MGAT4C: variants seen among roughly 807,000 people sequenced by gnomAD.
MGAT4C encodes the protein MGAT4 family member C.
In MGAT4C, 19 loss-of-function variants were observed where a neutral mutation model predicts 40.1. That is an observed-to-expected ratio of 0.47 (90% CI 0.33 to 0.70). The LOEUF is 0.70. MGAT4C is among the 30% of genes least tolerant of loss of function. MGAT4C has a pLI of 0.02. For missense variants in MGAT4C, 491 were observed against 563.2 expected (o/e 0.87, Z 1.30); for synonymous variants, 181 against 187.1 (o/e 0.97, Z 0.27).
At chr12:86,440,316 G>GTC (rs1036415481) in intron 2 of MGAT4C, among the ~76,000 whole-genome samples, 137 of 152,086 alleles carry the variant, frequency 9.0e-4, no homozygotes, top group African/African-American at 3.2e-3. Flanking sequence ...ATACAGGGAT[G>GTC]ATTCAACACA....
Position 86,644,101 on chromosome 12 carries a change from C to A in MGAT4C, c.-229+83108G>T, listed in dbSNP as rs1963469720. Among the ~76,000 whole-genome samples, 6 of 151,532 alleles carry A rather than the reference C, an allele frequency of 4.0e-5. No individual in the cohort carries two copies. The South Asian group carries it at 1.3e-3, about 32-fold the overall frequency. On this transcript the variant is annotated intron_variant, in intron 2 of 7. Transcript: ENST00000548651. ...TACTATTTCTTAAGCTTTTTATAAT[C>A]ACTTTGATTATATTAGAATTATAAT...
chr12:86,504,576 GT>G (rs1359483841), intron 2 of MGAT4C, among the ~76,000 whole-genome samples: 1 of 152,134 alleles, frequency 6.6e-6, no homozygotes, highest in Non-Finnish European at 1.5e-5. Context: ...CAATATAAAA[GT>G]CCAGTCAATC....
At chr12:86,572,377 T>C (rs1960400688) in intron 2 of MGAT4C, among the ~76,000 whole-genome samples, 1 of 152,126 alleles carries the variant, frequency 6.6e-6, no homozygotes, top group Admixed American at 6.6e-5. Flanking sequence ...TACAATCCTG[T>C]GGTTTCTATA....
At chr12:86,526,762 G>A (rs966961466) in intron 2 of MGAT4C, among the ~76,000 whole-genome samples, 1 of 152,206 alleles carries the variant, frequency 6.6e-6, no homozygotes, top group African/African-American at 2.4e-5. Context: ...CACTACAGAT[G>A]TTCACACACC....
At chr12:86,834,781 T>C (rs1953002939) in intron 1 of MGAT4C, among the ~76,000 whole-genome samples, 1 of 151,890 alleles carries the variant, frequency 6.6e-6, no homozygotes, top group Admixed American at 6.6e-5. Flanking sequence ...GTCTCCTCAT[T>C]GGTGTGTAGG....
intron 1 of MGAT4C, among the ~76,000 whole-genome samples, chr12:86,181,905 T>G (rs1375028672): frequency 6.6e-6 from 1 of 152,106 alleles, no homozygotes; most frequent in South Asian, 2.1e-4. Context: ...TACTTTAATA[T>G]TATTTTATAT....
chr12:86,186,225 A>C (rs1888737652), intron 1 of MGAT4C, among the ~76,000 whole-genome samples: 1 of 152,104 alleles, frequency 6.6e-6, no homozygotes, highest in Non-Finnish European at 1.5e-5. Context: ...CCATATGTGA[A>C]ATTTCTAGAT....
intron 2 of MGAT4C, among the ~76,000 whole-genome samples, chr12:86,509,722 C>A (rs974810971): frequency 8.6e-5 from 13 of 152,008 alleles, no homozygotes; most frequent in Non-Finnish European, 1.6e-4. Flanking sequence ...TTGTTTGTAT[C>A]CTCTTTTATT....
chr12:86,456,406 C>T (rs977257584), intron 2 of MGAT4C, among the ~76,000 whole-genome samples: 1 of 152,074 alleles, frequency 6.6e-6, no homozygotes, highest in Non-Finnish European at 1.5e-5. Context: ...AAATGGCAGC[C>T]TGGCATTCAG....
intron 2 of MGAT4C, chr12:86,028,052 T>C (rs1437215914): frequency 4.7e-6 from 5 of 1,073,844 alleles, no homozygotes. Flanking sequence ...GTCAAGAAAG[T>C]ATCAAACACA....
At chr12:86,191,751 GGTGTGT>G (rs570173863) in intron 1 of MGAT4C, among the ~76,000 whole-genome samples, 94 of 98,570 alleles carry the variant, frequency 9.5e-4, no homozygotes, top group African/African-American at 3.1e-3. Context: ...AGGAGATAAA[GGTGTGT>G]GTGTGTGTGT....
chr12:86,057,675 G>C (rs1365142580), intron 1 of MGAT4C, among the ~76,000 whole-genome samples: 1 of 152,078 alleles, frequency 6.6e-6, no homozygotes, highest in Non-Finnish European at 1.5e-5. Context: ...TGCAATCTTT[G>C]TGTGAATGTC....
intron 1 of MGAT4C, among the ~76,000 whole-genome samples, chr12:86,114,645 C>T (rs372486136): frequency 4.0e-5 from 6 of 151,690 alleles, no homozygotes; most frequent in African/African-American, 1.5e-4. Context: ...ATTTATTTTA[C>T]TCGTGCCATA....
At chr12:86,806,861 T>G (rs1952365735) in intron 1 of MGAT4C, among the ~76,000 whole-genome samples, 1 of 149,486 alleles carries the variant, frequency 6.7e-6, no homozygotes, top group South Asian at 2.1e-4. Flanking sequence ...TGTTGTGGGG[T>G]GGGGGTAGCG....
chr12:86,624,547 C>A (rs906810796), intron 2 of MGAT4C, among the ~76,000 whole-genome samples: 2 of 152,030 alleles, frequency 1.3e-5, no homozygotes, highest in Non-Finnish European at 2.9e-5. Context: ...TGGTCACAGA[C>A]AACATAAAAC....
intron 2 of MGAT4C, among the ~76,000 whole-genome samples, chr12:85,999,502 A>C (rs891741508): frequency 6.6e-6 from 1 of 151,970 alleles, no homozygotes; most frequent in Admixed American, 6.6e-5. Flanking sequence ...TTGCAGCACT[A>C]TTCACAATAG....
At chr12:86,815,097 A>G (rs1269440044) in intron 1 of MGAT4C, among the ~76,000 whole-genome samples, 1 of 152,026 alleles carries the variant, frequency 6.6e-6, no homozygotes, top group East Asian at 1.9e-4. Flanking sequence ...ATTGTTAGCA[A>G]ATAGTTACAG....
intron 2 of MGAT4C, among the ~76,000 whole-genome samples, chr12:86,461,497 G>A (rs943934310): frequency 4.4e-4 from 67 of 151,900 alleles, no homozygotes; most frequent in African/African-American, 1.4e-3. Flanking sequence ...CACCCTCCTC[G>A]GCCTCCCAAA....
intron 2 of MGAT4C, among the ~76,000 whole-genome samples, chr12:86,460,987 T>C (rs895299733): frequency 7.9e-5 from 12 of 152,094 alleles, no homozygotes; most frequent in African/African-American, 2.9e-4. Context: ...TTGTCATTTT[T>C]TAAATGTCAA....
Sources: gnomAD v4.1 joint callset for allele counts (sites outside exome capture counted in the v4.1 genomes callset) on GRCh38, gnomAD v4.1.1 for gene constraint, MANE v1.5 for transcripts, NCBI Gene and HGNC (gene_info 2026-07-23, HGNC 2026-07-21) for gene names.